The following MRTFA variants were observed in gnomAD, a reference collection of about 807,000 sequenced individuals.
MRTFA encodes myocardin-related transcription factor A.
A neutral mutation model predicts 83.5 loss-of-function variants in MRTFA; 20 were observed. The ratio of observed to expected loss-of-function variants is 0.24; its 90% CI spans 0.17 to 0.35. The LOEUF is 0.35. MRTFA is among the 10% of genes least tolerant of loss of function. The pLI is 1.00. For synonymous variants in MRTFA, 659 were observed against 541.2 expected (o/e 1.22, Z -3.02); for missense variants, 1,200 against 1,224.7 (o/e 0.98, Z 0.30).
intron 2 of MRTFA, among the ~76,000 whole-genome samples, chr22:40,593,877 G>T (rs2056154917): frequency 6.6e-6 from 1 of 152,192 alleles, no homozygotes; most frequent in Admixed American, 6.5e-5. Context: ...ACTGAGCCAG[G>T]TCTCCTGTAC....
intron 2 of MRTFA, among the ~76,000 whole-genome samples, chr22:40,582,579 G>T (rs1363863793): frequency 6.6e-6 from 1 of 151,576 alleles, no homozygotes; most frequent in Non-Finnish European, 1.5e-5. Context: ...TCATCAATTT[G>T]CTCTTATTCA....
At chr22:40,610,624 T>C (rs1402059122) in intron 1 of MRTFA, among the ~76,000 whole-genome samples, 1 of 152,134 alleles carries the variant, frequency 6.6e-6, no homozygotes, top group African/African-American at 2.4e-5. Flanking sequence ...TTGTACTTTT[T>C]ATCCATTATG....
In MRTFA at chr22:40,418,628, G is replaced by C; in HGVS notation, c.2110C>G (p.Pro704Ala). The change falls in exon 12 of 15, where the codon CCA (proline) becomes GCA (alanine). Residue 704 changes from proline to alanine, a missense_variant. Physicochemically the swap from Pro to Ala is conservative, Grantham distance 27. Transcript: ENST00000355630. ...CAAGGGTCTATGTGGTTGGTGGCTG[G>C]GGCCGCCAGGCTGGGGTTGAATGGG... 1 of 1,530,842 alleles carries C rather than the reference G, an allele frequency of 6.5e-7. No individual in the cohort carries two copies. Among genetic ancestry groups the C allele is most frequent in the Non-Finnish European group, 8.7e-7 (1 of 1,145,826 alleles). 94.8% of individuals were successfully genotyped at this position (1,530,842 alleles called of 1,614,324 possible). A position where few individuals can be genotyped will look rare whatever the true frequency, so the allele number is the denominator to read the frequency against.
At chr22:40,553,468 T>G (rs2055473822) in intron 2 of MRTFA, among the ~76,000 whole-genome samples, 1 of 152,012 alleles carries the variant, frequency 6.6e-6, no homozygotes, top group South Asian at 2.1e-4. Context: ...CAGTCATGAA[T>G]AAAAGGAGCC....
chr22:40,620,625 G>A (rs1310593468), intron 1 of MRTFA, among the ~76,000 whole-genome samples: 1 of 151,948 alleles, frequency 6.6e-6, no homozygotes, highest in Non-Finnish European at 1.5e-5. Context: ...GCATGCTGTG[G>A]AGAGAAAGTC....
chr22:40,599,824 G>A lies in MRTFA; in HGVS notation c.-83-5089C>T, dbSNP rs115592745. Among the ~76,000 whole-genome samples, 739 of 151,858 alleles carry A rather than the reference G, an allele frequency of 4.9e-3. 8 individuals carry two copies. Among genetic ancestry groups the A allele is most frequent in the African/African-American group, 0.017 (711 of 41,388 alleles). On this transcript the variant is annotated intron_variant, in intron 1 of 14. Transcript: ENST00000355630. ...TGAGGTAGGAGGATCGCTTGACCCC[G>A]GGAGGTTGAGGCCGCAGCGAGCTAT...
chr22:40,420,824 G>C (rs1393093266), intron 10 of MRTFA, 23 bp downstream of exon 10: 3 of 1,612,118 alleles, frequency 1.9e-6, no homozygotes. Flanking sequence ...GGCAGGGGCA[G>C]GCAGTGAGGA....
intron 1 of MRTFA, among the ~76,000 whole-genome samples, chr22:40,604,021 A>G (rs1339660726): frequency 6.6e-6 from 1 of 152,092 alleles, no homozygotes; most frequent in Non-Finnish European, 1.5e-5. Context: ...TTTCAAAATA[A>G]ATTTTACTAA....
chr22:40,617,485 G>A (rs133037), intron 1 of MRTFA, among the ~76,000 whole-genome samples: 46,676 of 151,828 alleles, frequency 0.31, 7,914 homozygotes, highest in East Asian at 0.63. Flanking sequence ...CCAGCACTTT[G>A]GGAGGCCGAG....
At chr22:40,452,423 G>C (rs9611356) in intron 4 of MRTFA, among the ~76,000 whole-genome samples, 1 of 152,190 alleles carries the variant, frequency 6.6e-6, no homozygotes, top group Non-Finnish European at 1.5e-5. Flanking sequence ...CTCTTGATAA[G>C]AAGTTAGCCT....
chr22:40,564,280 A>C (rs568820527), intron 2 of MRTFA, among the ~76,000 whole-genome samples: 136 of 152,244 alleles, frequency 8.9e-4, no homozygotes, highest in Non-Finnish European at 1.6e-3. Context: ...AAGAAAAATA[A>C]TGGAAATGTC....
chr22:40,574,895 C>T lies in MRTFA; in HGVS notation c.-22+19779G>A, dbSNP rs1010351387. 5.9e-5 allele frequency among the ~76,000 whole-genome samples: 9 copies of T among 152,126 alleles called. No homozygotes were observed. The East Asian group carries it at 7.7e-4, about 13-fold the overall frequency. On this transcript the variant is annotated intron_variant, in intron 2 of 14. Coordinates refer to ENST00000355630, the MANE Select transcript of MRTFA (RefSeq NM_020831.6). ...CCAATCCTCCATGAATACTGATGAA[C>T]GACTACAGTTGTGAACTTGTGATAA...
chr22:40,433,275 A>G (rs2053105326), intron 5 of MRTFA: 1 of 153,278 alleles, frequency 6.5e-6, no homozygotes, highest in African/African-American at 2.4e-5. Flanking sequence ...GGATTTTGCA[A>G]CTGATATCAT....
At chr22:40,634,237 G>T (rs985532957) in intron 1 of MRTFA, among the ~76,000 whole-genome samples, 1 of 152,078 alleles carries the variant, frequency 6.6e-6, no homozygotes, top group African/African-American at 2.4e-5. Flanking sequence ...ACAGGTGCAA[G>T]CCACCACGTC....
intron 3 of MRTFA, among the ~76,000 whole-genome samples, chr22:40,503,331 TG>T (rs1382278706): frequency 6.6e-6 from 1 of 152,202 alleles, no homozygotes; most frequent in Admixed American, 6.5e-5. Flanking sequence ...AAATGTAGTC[TG>T]GGGGCCAGGC....
chr22:40,567,896 G>A (rs1051281361), intron 2 of MRTFA, among the ~76,000 whole-genome samples: 6 of 152,126 alleles, frequency 3.9e-5, no homozygotes, highest in Admixed American at 6.6e-5. Context: ...CATCCTCTCC[G>A]GATAGATCAA....
At chr22:40,514,455 A>T (rs2054722185) in intron 3 of MRTFA, among the ~76,000 whole-genome samples, 1 of 151,262 alleles carries the variant, frequency 6.6e-6, no homozygotes, top group Non-Finnish European at 1.5e-5. Flanking sequence ...ATGGCCAAAA[A>T]CAAAAATGTC....
At chr22:40,597,901 T>C (rs2056212643) in intron 1 of MRTFA, among the ~76,000 whole-genome samples, 2 of 152,234 alleles carry the variant, frequency 1.3e-5, no homozygotes, top group Non-Finnish European at 2.9e-5. Context: ...ATGTGCTAGT[T>C]TGTCCACATA....
chr22:40,553,893 C>T (rs755328233), intron 2 of MRTFA, among the ~76,000 whole-genome samples: 1 of 152,224 alleles, frequency 6.6e-6, no homozygotes, highest in Non-Finnish European at 1.5e-5. Flanking sequence ...CCTCCAAAGC[C>T]ACAGAGGCAG....
Sources: allele counts gnomAD v4.1 joint callset (sites outside exome capture counted in the v4.1 genomes callset), GRCh38; gene constraint gnomAD v4.1.1; transcripts MANE v1.5; gene names NCBI Gene and HGNC (gene_info 2026-07-23, HGNC 2026-07-21).